The following GRIK4 variants were observed in gnomAD, a reference collection of about 807,000 sequenced individuals.
GRIK4 encodes the protein glutamate ionotropic receptor kainate type subunit 4, also known as glutamate receptor ionotropic, kainate 4.
GRIK4 carries 40 observed loss-of-function variants against 104.9 expected under a neutral mutation model. The ratio of observed to expected loss-of-function variants is 0.38; its 90% CI spans 0.30 to 0.50. The LOEUF is 0.50. GRIK4 is among the 20% of genes least tolerant of loss of function. The pLI, the probability that GRIK4 is intolerant of heterozygous loss-of-function variation, is 0.93. For missense variants in GRIK4, 1,047 were observed against 1,308.1 expected (o/e 0.80, Z 3.08); for synonymous variants, 485 against 524.9 (o/e 0.92, Z 1.04).
At position 120,764,464 on chromosome 11, in the gene GRIK4, G is replaced by A. The variant is rs185460766; in HGVS notation, c.83-38229G>A. Among the ~76,000 whole-genome samples, 608 of 152,274 alleles carry A rather than the reference G, an allele frequency of 4.0e-3. 5 individuals are homozygous for A. The highest frequency in any genetic ancestry group is 0.014 in the African/African-American group (591 of 41,562). On this transcript the variant is annotated intron_variant, in intron 3 of 20. Transcript: ENST00000527524. The stretch of plus-strand genomic sequence containing the variant: ...TTACATTTAAGGTTGATATTGTTAT[G>A]TGTGAATTTGATCCTGCCATTATGA...
chr11:120,986,257 G>A lies in GRIK4; in HGVS notation c.2868G>A (p.Glu956=). The A allele has an allele frequency of 2.1e-6, 3 of 1,458,754 alleles. No individual in the cohort carries two copies. Among genetic ancestry groups the A allele is most frequent in the Non-Finnish European group, 2.7e-6 (3 of 1,102,702 alleles). 90.4% of individuals were successfully genotyped at this position (1,458,754 alleles called of 1,614,324 possible). A position where few individuals can be genotyped will look rare whatever the true frequency, so the allele number is the denominator to read the frequency against. The change falls in exon 21 of 21, where the codon GAG becomes GAA. Residue 956 remains glutamate, a synonymous_variant. Coordinates refer to ENST00000527524, the MANE Select transcript of GRIK4 (RefSeq NM_014619.5). The part of the protein sequence containing the change: ...WEKTTNSSEP[E] ...AAACCACCAACAGCAGCGAGCCCGA[G>A]TAGTCCCGGAGGCCACAGGACGCGC...
chr11:120,826,009 C>G (rs1479776487), intron 6 of GRIK4, among the ~76,000 whole-genome samples: 1 of 152,186 alleles, frequency 6.6e-6, no homozygotes, highest in Non-Finnish European at 1.5e-5. Context: ...AACCATGCAG[C>G]TCTGTGCTGA....
At chr11:120,747,245 GCT>G (rs1377156300) in intron 3 of GRIK4, among the ~76,000 whole-genome samples, 1 of 152,146 alleles carries the variant, frequency 6.6e-6, no homozygotes, top group African/African-American at 2.4e-5. Flanking sequence ...TGAGCAGAAG[GCT>G]CTTCCTCAGC....
At chr11:120,709,812 A>G (rs764681461) in intron 3 of GRIK4, among the ~76,000 whole-genome samples, 23 of 152,308 alleles carry the variant, frequency 1.5e-4, no homozygotes, top group South Asian at 2.1e-4. Context: ...AAATCAGAGT[A>G]GTGTAGAAGA....
intron 13 of GRIK4, among the ~76,000 whole-genome samples, chr11:120,935,191 T>G: frequency 6.6e-6 from 1 of 152,126 alleles, no homozygotes; most frequent in Non-Finnish European, 1.5e-5. Context: ...ACCCTTTCAT[T>G]TTACAGTTGA....
At chr11:120,620,387 G>C in intron 1 of GRIK4, 1 of 558,468 alleles carries the variant, frequency 1.8e-6, no homozygotes, top group South Asian at 2.2e-5. Flanking sequence ...TAGTCCCCAT[G>C]TACTGCCCCG....
chr11:120,925,392 G>A (rs768138744), intron 13 of GRIK4, among the ~76,000 whole-genome samples: 6 of 152,158 alleles, frequency 3.9e-5, no homozygotes, highest in South Asian at 2.1e-4. Context: ...CCCCGATCAC[G>A]CCTGGAACCC....
At chr11:120,707,786 G>T (rs1950655553) in intron 3 of GRIK4, among the ~76,000 whole-genome samples, 1 of 152,164 alleles carries the variant, frequency 6.6e-6, no homozygotes, top group Admixed American at 6.5e-5. Flanking sequence ...CAGGCTGGAG[G>T]TGCTGTCAGA....
At chr11:120,762,102 C>T (rs1338923810) in intron 3 of GRIK4, among the ~76,000 whole-genome samples, 4 of 152,016 alleles carry the variant, frequency 2.6e-5, no homozygotes, top group Non-Finnish European at 1.5e-5. Flanking sequence ...CCGTTTGTGT[C>T]CTCTCTTATT....
At chr11:120,532,924 G>A (rs563975982) in intron 1 of GRIK4, among the ~76,000 whole-genome samples, 23 of 152,294 alleles carry the variant, frequency 1.5e-4, no homozygotes, top group Non-Finnish European at 2.5e-4. Flanking sequence ...TCATTCATCC[G>A]TCTATTCACC....
At chr11:120,712,964 A>G (rs866333443) in intron 3 of GRIK4, among the ~76,000 whole-genome samples, 1 of 152,168 alleles carries the variant, frequency 6.6e-6, no homozygotes, top group Non-Finnish European at 1.5e-5. Context: ...GAAAGGAATG[A>G]CAATAACTGG....
chr11:120,571,086 T>C (rs1051043924), intron 1 of GRIK4, among the ~76,000 whole-genome samples: 5 of 152,206 alleles, frequency 3.3e-5, no homozygotes, highest in East Asian at 1.9e-4. Context: ...TCTGTTCTTA[T>C]GTCTGGACTG....
intron 13 of GRIK4, among the ~76,000 whole-genome samples, chr11:120,927,279 A>C (rs889345506): frequency 6.6e-6 from 1 of 152,172 alleles, no homozygotes; most frequent in African/African-American, 2.4e-5. Flanking sequence ...CTAGAAAGGA[A>C]GAATTGGCCG....
At chr11:120,798,087 T>C (rs1952553817) in intron 3 of GRIK4, among the ~76,000 whole-genome samples, 1 of 150,150 alleles carries the variant, frequency 6.7e-6, no homozygotes, top group South Asian at 2.1e-4. Flanking sequence ...ACCCTTTCCC[T>C]GGTTTGCAGA....
In GRIK4 at chr11:120,579,215, C is replaced by T. The variant is rs1035586529; in HGVS notation, c.-159+67328C>T. ...AGGATGATTGGGAAGTGACAGCACACGACAAAATAACCCCCCCCCCTTTTT... is the reference window on the plus strand; with the variant it reads ...AGGATGATTGGGAAGTGACAGCACATGACAAAATAACCCCCCCCCCTTTTT... On this transcript the variant is annotated intron_variant, in intron 1 of 20. Coordinates refer to ENST00000527524, the MANE Select transcript of GRIK4 (RefSeq NM_014619.5). Among the ~76,000 whole-genome samples the T allele has an allele frequency of 1.0e-3, 148 of 143,564 alleles. 1 individual carries two copies. The highest frequency in any genetic ancestry group is 1.8e-3 in the Non-Finnish European group (118 of 65,750). The allele number at this position is 143,564 out of a possible 152,430, so 94.2% of individuals were successfully genotyped here. A position where few individuals can be genotyped will look rare whatever the true frequency, so the allele number is the denominator to read the frequency against.
intron 1 of GRIK4, among the ~76,000 whole-genome samples, chr11:120,628,078 A>G (rs1949283641): frequency 6.6e-6 from 1 of 152,174 alleles, no homozygotes; most frequent in Non-Finnish European, 1.5e-5. Flanking sequence ...CGGGGAGAGG[A>G]GGCAGCCTGT....
chr11:120,818,430 A>G (rs1008344222), intron 5 of GRIK4, among the ~76,000 whole-genome samples: 11 of 152,240 alleles, frequency 7.2e-5, no homozygotes, highest in African/African-American at 2.4e-4. Flanking sequence ...ACACAGATCA[A>G]TGTCACTCTT....
intron 1 of GRIK4, among the ~76,000 whole-genome samples, chr11:120,551,235 G>T (rs1232019536): frequency 1.3e-5 from 2 of 152,076 alleles, no homozygotes; most frequent in Non-Finnish European, 2.9e-5. Flanking sequence ...TTCATCCCCG[G>T]TCCCTGGCTC....
intron 14 of GRIK4, among the ~76,000 whole-genome samples, chr11:120,943,271 G>A (rs1342096317): frequency 6.6e-6 from 1 of 152,034 alleles, no homozygotes; most frequent in Non-Finnish European, 1.5e-5. Context: ...AATGAGTGCT[G>A]GGATTAACAG....
Sources: allele counts gnomAD v4.1 joint callset (sites outside exome capture counted in the v4.1 genomes callset), GRCh38; gene constraint gnomAD v4.1.1; transcripts MANE v1.5; gene names NCBI Gene and HGNC (gene_info 2026-07-23, HGNC 2026-07-21).